The following CDYL variants were observed in gnomAD, a reference collection of about 807,000 sequenced individuals.
CDYL encodes chromodomain Y like, also known as chromodomain Y-like protein.
In CDYL, 8 loss-of-function variants were observed where a neutral mutation model predicts 47.3. The ratio of observed to expected loss-of-function variants is 0.17; its 90% CI spans 0.10 to 0.31. CDYL has a LOEUF of 0.31. Ranked by LOEUF, CDYL falls within the 10% of genes least tolerant of loss-of-function variation. The pLI, the probability that CDYL is intolerant of heterozygous loss-of-function variation, is 1.00. For synonymous variants in CDYL, 266 were observed against 265.0 expected (o/e 1.00, Z -0.04); for missense variants, 471 against 701.4 (o/e 0.67, Z 3.71).
At chr6:4,863,212 G>A (rs1761222266) in intron 1 of CDYL, among the ~76,000 whole-genome samples, 1 of 152,156 alleles carries the variant, frequency 6.6e-6, no homozygotes, top group African/African-American at 2.4e-5. Context: ...GTGGGAGGGA[G>A]GGAAGGGATC....
chr6:4,928,025 A>G (rs538965794), intron 2 of CDYL, among the ~76,000 whole-genome samples: 9 of 152,190 alleles, frequency 5.9e-5, no homozygotes, highest in Non-Finnish European at 1.2e-4. Context: ...CCTCTAGCTC[A>G]TCATTTTCCC....
chr6:4,844,367 T>G (rs1039475597), intron 1 of CDYL, among the ~76,000 whole-genome samples: 5 of 152,100 alleles, frequency 3.3e-5, no homozygotes, highest in African/African-American at 1.2e-4. Flanking sequence ...CCCGGGAGAT[T>G]ATGTCCTTTG....
At chr6:4,859,542 G>A (rs1456134449) in intron 1 of CDYL, among the ~76,000 whole-genome samples, 2 of 152,188 alleles carry the variant, frequency 1.3e-5, no homozygotes, top group African/African-American at 4.8e-5. Flanking sequence ...AAGGGTGGCA[G>A]CCTTGCCTTT....
intron 3 of CDYL, among the ~76,000 whole-genome samples, chr6:4,757,701 A>G (rs1278140057): frequency 1.3e-5 from 2 of 152,188 alleles, no homozygotes; most frequent in African/African-American, 2.4e-5. Context: ...TTTTCGTATA[A>G]CTTTTGAAGA....
At chr6:4,723,267 T>C (rs1482220555) in intron 2 of CDYL, among the ~76,000 whole-genome samples, 1 of 152,156 alleles carries the variant, frequency 6.6e-6, no homozygotes, top group Non-Finnish European at 1.5e-5. Context: ...TTTATACGCA[T>C]TGACTATGCC....
Position 4,946,672 on chromosome 6 carries a change from GC to G in CDYL, c.1332+2918del, listed in dbSNP as rs1004263346. 4.9e-4 allele frequency among the ~76,000 whole-genome samples: 75 copies of G among 151,912 alleles called. 1 individual carries two copies. Among genetic ancestry groups the G allele is most frequent in the African/African-American group, 1.8e-3 (73 of 41,476 alleles). ...TGCCGCGGGCCCTGCCTGACCTTGCGCCTGTGGGGCTGATGGAACTCAGCTC... is the reference window on the plus strand; with the variant it reads ...TGCCGCGGGCCCTGCCTGACCTTGCGCTGTGGGGCTGATGGAACTCAGCTC... On this transcript the variant is annotated intron_variant, in intron 5 of 6. Transcript: ENST00000397588.
At chr6:4,731,555 G>A (rs1012098570) in intron 2 of CDYL, among the ~76,000 whole-genome samples, 1 of 152,104 alleles carries the variant, frequency 6.6e-6, no homozygotes, top group African/African-American at 2.4e-5. Context: ...CCAGCATTTT[G>A]GGAGGCTGAG....
chr6:4,782,398 C>T (rs1351144234), intron 1 of CDYL, among the ~76,000 whole-genome samples: 1 of 152,124 alleles, frequency 6.6e-6, no homozygotes, highest in Non-Finnish European at 1.5e-5. Flanking sequence ...ATTCCTGACT[C>T]CTTACTTACC....
At chr6:4,791,383 A>G (rs1458442774) in intron 1 of CDYL, among the ~76,000 whole-genome samples, 1 of 152,234 alleles carries the variant, frequency 6.6e-6, no homozygotes, top group Admixed American at 6.5e-5. Context: ...CTCACTCTCT[A>G]GACTTCTAGT....
chr6:4,722,891 A>G (rs190613542), intron 2 of CDYL, among the ~76,000 whole-genome samples: 1 of 152,234 alleles, frequency 6.6e-6, no homozygotes, highest in African/African-American at 2.4e-5. Flanking sequence ...AAATAAAATA[A>G]AGCCCACAGT....
At chr6:4,849,404 T>C (rs779243764) in intron 1 of CDYL, among the ~76,000 whole-genome samples, 1 of 152,198 alleles carries the variant, frequency 6.6e-6, no homozygotes, top group Non-Finnish European at 1.5e-5. Flanking sequence ...ATGCAAGTGC[T>C]TTTTGAGGTT....
chr6:4,833,517 T>C (rs1432822738), intron 1 of CDYL, among the ~76,000 whole-genome samples: 3 of 149,486 alleles, frequency 2.0e-5, no homozygotes, highest in Non-Finnish European at 4.5e-5. Flanking sequence ...TTGGAATAGG[T>C]GTGGTGTGGT....
At chr6:4,811,608 CTT>C (rs397975784) in intron 1 of CDYL, among the ~76,000 whole-genome samples, 35 of 126,678 alleles carry the variant, frequency 2.8e-4, no homozygotes, top group Admixed American at 2.4e-4. Context: ...TGACATTATT[CTT>C]TTTTTTTTTT....
intron 2 of CDYL, among the ~76,000 whole-genome samples, chr6:4,906,726 T>C (rs1757248377): frequency 6.6e-6 from 1 of 152,234 alleles, no homozygotes. Flanking sequence ...TGTCACAGCT[T>C]TATAACAGCA....
intron 4 of CDYL, among the ~76,000 whole-genome samples, chr6:4,941,890 C>A (rs959568598): frequency 6.6e-6 from 1 of 152,174 alleles, no homozygotes; most frequent in Non-Finnish European, 1.5e-5. Flanking sequence ...GAAATTGGAG[C>A]TACTCAGATT....
At chr6:4,945,652 A>G (rs542220876) in intron 5 of CDYL, among the ~76,000 whole-genome samples, 8 of 152,340 alleles carry the variant, frequency 5.3e-5, no homozygotes, top group African/African-American at 1.7e-4. Context: ...GTGTCCTTCC[A>G]GATAGAGGTC....
At chr6:4,809,488 A>G (rs904049848) in intron 1 of CDYL, among the ~76,000 whole-genome samples, 17 of 152,194 alleles carry the variant, frequency 1.1e-4, no homozygotes, top group Admixed American at 7.2e-4. Flanking sequence ...AGTACTTTGT[A>G]TGATAGGGAT....
chr6:4,756,931 T>G (rs1758084554), intron 3 of CDYL, among the ~76,000 whole-genome samples: 1 of 152,132 alleles, frequency 6.6e-6, no homozygotes, highest in African/African-American at 2.4e-5. Flanking sequence ...ACAAGAGAAT[T>G]TAGGCCAATC....
chr6:4,843,156 A>G (rs1672020350), intron 1 of CDYL, among the ~76,000 whole-genome samples: 1 of 152,126 alleles, frequency 6.6e-6, no homozygotes, highest in Admixed American at 6.5e-5. Context: ...AGTCCCTTCT[A>G]GCTTGTAGGG....
Sources: allele counts gnomAD v4.1 joint callset (sites outside exome capture counted in the v4.1 genomes callset), GRCh38; gene constraint gnomAD v4.1.1; transcripts MANE v1.5; gene names NCBI Gene and HGNC (gene_info 2026-07-23, HGNC 2026-07-21).